Variants in MID1 observed in about 807,000 individuals in gnomAD.
MID1 encodes midline 1, also known as E3 ubiquitin-protein ligase Midline-1.
MID1 carries 7 observed loss-of-function variants against 40.4 expected under a neutral mutation model. The observed-to-expected ratio is 0.17, with a 90% CI of 0.10 to 0.33. The LOEUF (loss-of-function observed/expected upper bound fraction) is 0.33. MID1 is among the 10% of genes least tolerant of loss of function. The pLI is 1.00. For synonymous variants in MID1, 229 were observed against 221.2 expected (o/e 1.04, Z -0.31); for missense variants, 367 against 558.5 (o/e 0.66, Z 3.46).
chrX:10,642,626 C>T (rs1261388481), intron 1 of MID1, among the ~76,000 whole-genome samples: 3 of 110,490 alleles, frequency 2.7e-5, no homozygotes, highest in Admixed American at 9.6e-5. Context: ...CCCCATCAAG[C>T]TATCAATGAC....
intron 1 of MID1, among the ~76,000 whole-genome samples, chrX:10,734,486 C>T (rs773994976): frequency 1.8e-5 from 2 of 109,468 alleles, no homozygotes; most frequent in Admixed American, 9.8e-5. Flanking sequence ...TACAACAACC[C>T]CCCATGACAC....
At chrX:10,811,383 T>C (rs1230107139) in intron 1 of MID1, among the ~76,000 whole-genome samples, 1 of 112,359 alleles carries the variant, frequency 8.9e-6, no homozygotes, top group Non-Finnish European at 1.9e-5. Flanking sequence ...ATTGCATAAA[T>C]ACTAACACAT....
At chrX:10,715,699 G>A (rs370711228) in intron 1 of MID1, among the ~76,000 whole-genome samples, 14 of 111,651 alleles carry the variant, frequency 1.3e-4, no homozygotes, top group South Asian at 7.5e-4. Flanking sequence ...AGAGAGTAGC[G>A]GTTCTCCCAG....
chrX:10,590,608 G>T (rs932991054), intron 1 of MID1, among the ~76,000 whole-genome samples: 1 of 111,625 alleles, frequency 9.0e-6, no homozygotes, highest in Non-Finnish European at 1.9e-5. Flanking sequence ...CAAAATATAT[G>T]TAAAAAAAAA....
chrX:10,783,900 T>A (rs1310759518), intron 1 of MID1, among the ~76,000 whole-genome samples: 2 of 109,359 alleles, frequency 1.8e-5, no homozygotes, highest in African/African-American at 3.3e-5. Context: ...AAAAAAAAAA[T>A]GGCACTCCTA....
intron 2 of MID1, among the ~76,000 whole-genome samples, chrX:10,527,610 CT>C (rs906617462): frequency 1.8e-5 from 2 of 111,354 alleles, no homozygotes; most frequent in Non-Finnish European, 3.8e-5. Context: ...GCACCTGTGC[CT>C]TTTCACCCCA....
At chrX:10,813,936 C>T (rs1239135632) in intron 1 of MID1, among the ~76,000 whole-genome samples, 1 of 111,703 alleles carries the variant, frequency 9.0e-6, no homozygotes, top group Non-Finnish European at 1.9e-5. Flanking sequence ...AAATCTCTGT[C>T]GCAACTACTC....
intron 1 of MID1, among the ~76,000 whole-genome samples, chrX:10,636,438 C>T (rs1936110334): frequency 9.0e-6 from 1 of 110,584 alleles, no homozygotes; most frequent in African/African-American, 3.3e-5. Context: ...CTCCAGGGAA[C>T]TGCATTGAGG....
At chrX:10,751,402 G>C (rs1017839217) in intron 1 of MID1, among the ~76,000 whole-genome samples, 11 of 111,789 alleles carry the variant, frequency 9.8e-5, no homozygotes, top group Admixed American at 2.8e-4. Context: ...CACTTTGGGA[G>C]GTCGAGGTGG....
intron 1 of MID1, among the ~76,000 whole-genome samples, chrX:10,813,948 A>G (rs926101454): frequency 1.2e-4 from 13 of 111,691 alleles, no homozygotes; most frequent in African/African-American, 4.2e-4. Flanking sequence ...CAACTACTCA[A>G]CTCTGCTGTT....
At chrX:10,457,420 A>G (rs1928746307) in intron 8 of MID1, among the ~76,000 whole-genome samples, 1 of 112,432 alleles carries the variant, frequency 8.9e-6, no homozygotes, top group Admixed American at 9.4e-5. Flanking sequence ...CTTTTGCTTC[A>G]GTGAAGACAA....
intron 2 of MID1, among the ~76,000 whole-genome samples, chrX:10,532,610 T>C (rs1237230224): frequency 8.9e-6 from 1 of 111,981 alleles, no homozygotes; most frequent in Admixed American, 9.5e-5. Flanking sequence ...GAGGAGGATA[T>C]TGTAGAACAG....
intron 1 of MID1, among the ~76,000 whole-genome samples, chrX:10,831,279 A>G (rs933358516): frequency 3.6e-5 from 4 of 112,222 alleles, no homozygotes; most frequent in East Asian, 2.8e-4. Context: ...GCAGCAAACC[A>G]TACTTCATAT....
chrX:10,685,877 T>C (rs368776437), intron 1 of MID1, among the ~76,000 whole-genome samples: 863 of 80,439 alleles, frequency 0.011, 12 homozygotes, highest in African/African-American at 0.039. Flanking sequence ...CACATACTCA[T>C]ACACACACAC....
chrX:10,726,175 T>C (rs1335755407), intron 1 of MID1, among the ~76,000 whole-genome samples: 2 of 112,182 alleles, frequency 1.8e-5, no homozygotes, highest in African/African-American at 6.5e-5. Flanking sequence ...CACTGGATAT[T>C]TACATCAGAC....
chrX:10,818,474 A>G (rs981907622), intron 1 of MID1, among the ~76,000 whole-genome samples: 9 of 112,827 alleles, frequency 8.0e-5, no homozygotes, highest in African/African-American at 2.6e-4. Flanking sequence ...TCTACATGCT[A>G]TCAGTGTTTT....
chrX:10,743,310 T>C (rs749487825), intron 1 of MID1, among the ~76,000 whole-genome samples: 5 of 112,742 alleles, frequency 4.4e-5, no homozygotes, highest in African/African-American at 1.6e-4. Context: ...GATTGAATTA[T>C]GGCAATGTGG....
intron 1 of MID1, among the ~76,000 whole-genome samples, chrX:10,748,525 A>G (rs953646597): frequency 1.8e-5 from 2 of 111,913 alleles, no homozygotes; most frequent in African/African-American, 6.5e-5. Flanking sequence ...TATATGAATT[A>G]ACTGTAATGT....
chrX:10,718,633 T>C (rs2043323740), intron 1 of MID1, among the ~76,000 whole-genome samples: 1 of 111,521 alleles, frequency 9.0e-6, no homozygotes, highest in South Asian at 3.8e-4. Flanking sequence ...GAGGAGCTAG[T>C]ACCATTCCTT....
Sources: allele counts gnomAD v4.1 joint callset (sites outside exome capture counted in the v4.1 genomes callset), GRCh38; gene constraint gnomAD v4.1.1; transcripts MANE v1.5; gene names NCBI Gene and HGNC (gene_info 2026-07-23, HGNC 2026-07-21).